GSE1: variants seen among roughly 807,000 people sequenced by gnomAD.
GSE1 encodes Gse1 coiled-coil protein.
A neutral mutation model predicts 112.6 loss-of-function variants in GSE1; 32 were observed. The observed-to-expected ratio is 0.28, with a 90% CI of 0.21 to 0.38. The LOEUF (loss-of-function observed/expected upper bound fraction) is 0.38. GSE1 is among the 10% of genes least tolerant of loss of function. The pLI is 1.00. For missense variants in GSE1, 2,348 were observed against 1,699.2 expected, an observed-to-expected ratio of 1.38 and a Z score of -6.71; for synonymous variants, 1,115 against 735.6, an observed-to-expected ratio of 1.52 and a Z score of -8.35.
intron 2 of GSE1, among the ~76,000 whole-genome samples, chr16:85,512,564 T>C (rs1310808063): frequency 6.6e-6 from 1 of 152,234 alleles, no homozygotes; most frequent in Non-Finnish European, 1.5e-5. Context: ...TGTGGTGTTT[T>C]CTTCCCTCTC....
intron 2 of GSE1, among the ~76,000 whole-genome samples, chr16:85,643,235 C>T (rs1415339457): frequency 6.6e-6 from 1 of 152,232 alleles, no homozygotes; most frequent in Non-Finnish European, 1.5e-5. Context: ...GTTTCATTGA[C>T]TTAACTCCTG....
At chr16:85,572,017 A>G (rs55992220) in intron 1 of GSE1, among the ~76,000 whole-genome samples, 6,781 of 151,978 alleles carry the variant, frequency 0.045, 516 homozygotes, top group African/African-American at 0.15. Context: ...ATGCATACGT[A>G]GAACACATAG....
intron 1 of GSE1, among the ~76,000 whole-genome samples, chr16:85,340,377 T>C (rs1417970334): frequency 1.3e-5 from 2 of 152,166 alleles, no homozygotes; most frequent in East Asian, 1.9e-4. Flanking sequence ...TGGTGGCTCA[T>C]GCCTGTAATC....
chr16:85,624,530 C>T (rs924467752), intron 1 of GSE1, among the ~76,000 whole-genome samples: 1 of 152,236 alleles, frequency 6.6e-6, no homozygotes, highest in African/African-American at 2.4e-5. Flanking sequence ...AGGGTGAGAG[C>T]TGCCACAGGG....
At chr16:85,453,670 C>T (rs941999649) in intron 2 of GSE1, among the ~76,000 whole-genome samples, 1 of 152,098 alleles carries the variant, frequency 6.6e-6, no homozygotes, top group East Asian at 1.9e-4. Context: ...GTCTAGAGCT[C>T]AGGGGGCTGA....
At chr16:85,549,760 C>T (rs1043063691) in intron 2 of GSE1, among the ~76,000 whole-genome samples, 9 of 152,310 alleles carry the variant, frequency 5.9e-5, no homozygotes, top group Admixed American at 3.3e-4. Flanking sequence ...GGACTAGAGC[C>T]GGACAGAAAG....
At chr16:85,567,654 C>T (rs565397677) in intron 1 of GSE1, among the ~76,000 whole-genome samples, 1 of 152,366 alleles carries the variant, frequency 6.6e-6, no homozygotes, top group Admixed American at 6.5e-5. Context: ...GGCTGTACCA[C>T]ACCACATTCT....
At chr16:85,258,245 C>T (rs1189090103) in intron 1 of GSE1, among the ~76,000 whole-genome samples, 3 of 152,212 alleles carry the variant, frequency 2.0e-5, no homozygotes, top group Admixed American at 6.5e-5. Flanking sequence ...GGCCCACTGG[C>T]CCATCGCACC....
chr16:85,363,563 G>C (rs2047126326), intron 2 of GSE1, among the ~76,000 whole-genome samples: 1 of 152,236 alleles, frequency 6.6e-6, no homozygotes, highest in African/African-American at 2.4e-5. Context: ...CCAGGGCAGG[G>C]CTGATCCCAG....
rs1045531731 is a variant in GSE1, at chr16:85,296,220, C to T, written c.2284-61243C>T. ...TGTGCGAACACTGCCCGTCCCTCCC[C>T]GTGGCCAGTCTCTAACCACCTCCCA... On this transcript the variant is annotated intron_variant, in intron 1 of 2. Transcript: ENST00000637419. Among the ~76,000 whole-genome samples, 22 of 152,248 alleles carry T rather than the reference C, an allele frequency of 1.4e-4. No individual in the cohort carries two copies. In the East Asian group the frequency reaches 3.9e-3, roughly 27 times the overall value.
intron 1 of GSE1, among the ~76,000 whole-genome samples, chr16:85,235,732 C>G (rs970172065): frequency 6.6e-5 from 10 of 151,696 alleles, no homozygotes; most frequent in African/African-American, 2.2e-4. Context: ...TGCGGCGGGA[C>G]TAGGAGGTGG....
chr16:85,172,031 G>A (rs2074367457), intron 1 of GSE1, among the ~76,000 whole-genome samples: 1 of 152,186 alleles, frequency 6.6e-6, no homozygotes, highest in Admixed American at 6.5e-5. Context: ...AGAGGAGTGG[G>A]GATCAGGAGT....
At chr16:85,264,199 C>G (rs1907997879) in intron 1 of GSE1, among the ~76,000 whole-genome samples, 1 of 152,078 alleles carries the variant, frequency 6.6e-6, no homozygotes, top group South Asian at 2.1e-4. Context: ...TCTCAGAGGG[C>G]CTGAGGTTTC....
At chr16:85,382,646 TCCAGAG>T (rs2047574178) in intron 2 of GSE1, among the ~76,000 whole-genome samples, 1 of 152,058 alleles carries the variant, frequency 6.6e-6, no homozygotes, top group African/African-American at 2.4e-5. Context: ...GGGAAGCAGA[TCCAGAG>T]CCAAAGCACT....
intron 2 of GSE1, among the ~76,000 whole-genome samples, chr16:85,412,827 C>T (rs181225429): frequency 2.8e-4 from 43 of 152,366 alleles, no homozygotes; most frequent in Middle Eastern, 3.4e-3. Context: ...TGCAAACACC[C>T]TTACCTTTTT....
chr16:85,176,535 C>T (rs935589740), intron 1 of GSE1, among the ~76,000 whole-genome samples: 1 of 152,250 alleles, frequency 6.6e-6, no homozygotes, highest in Admixed American at 6.5e-5. Context: ...GCTGGGAGAG[C>T]TCCCGTCGAA....
chr16:85,663,764 C>T (rs1303171034), intron 11 of GSE1, 150 bp downstream of exon 11: 2 of 770,078 alleles, frequency 2.6e-6, no homozygotes, highest in African/African-American at 1.7e-5. Context: ...CGGGAACAGC[C>T]TCTCTGTTCT....
chr16:85,360,913 A>T (rs192085848), intron 2 of GSE1, among the ~76,000 whole-genome samples: 93 of 152,020 alleles, frequency 6.1e-4, no homozygotes, highest in African/African-American at 2.2e-3. Flanking sequence ...GGATACACAG[A>T]CTTACAAGCA....
intron 8 of GSE1, among the ~76,000 whole-genome samples, chr16:85,657,967 T>C (rs1220448779): frequency 6.6e-6 from 1 of 152,244 alleles, no homozygotes; most frequent in Non-Finnish European, 1.5e-5. Flanking sequence ...TCCATCTTCC[T>C]CTGCTTTTGA....
Sources: gnomAD v4.1 joint callset for allele counts (sites outside exome capture counted in the v4.1 genomes callset) on GRCh38, gnomAD v4.1.1 for gene constraint, MANE v1.5 for transcripts, NCBI Gene and HGNC (gene_info 2026-07-23, HGNC 2026-07-21) for gene names.